PDLIM5: variants seen among roughly 807,000 people sequenced by gnomAD.
PDLIM5 encodes the protein PDZ and LIM domain 5.
PDLIM5 carries 34 observed loss-of-function variants against 64.2 expected under a neutral mutation model. That is an observed-to-expected ratio of 0.53 (90% confidence interval 0.40 to 0.71). The LOEUF (loss-of-function observed/expected upper bound fraction) is 0.71. Among genes scored for constraint, PDLIM5 ranks in the 30% least tolerant of loss-of-function variants. The pLI is 0.00. For missense variants in PDLIM5, 683 were observed against 733.6 expected, an observed-to-expected ratio of 0.93 and a Z score of 0.80; for synonymous variants, 253 against 269.1, an observed-to-expected ratio of 0.94 and a Z score of 0.59.
At position 94,495,064 on chromosome 4, in the gene PDLIM5, C is replaced by T. The variant is rs549308755; in HGVS notation, c.97-28660C>T. On this transcript the variant is annotated intron_variant, in intron 2 of 12. Coordinates refer to ENST00000317968, the MANE Select transcript of PDLIM5 (RefSeq NM_006457.5). Reference sequence around the variant, plus strand: ...CCGGCCCGACCATGTTTTATATATTCGTCACTGAATTCTAGAACTGACCAC... The same window carrying T: ...CCGGCCCGACCATGTTTTATATATTTGTCACTGAATTCTAGAACTGACCAC... 7.9e-5 allele frequency among the ~76,000 whole-genome samples: 12 copies of T among 152,186 alleles called. No individual in the cohort carries two copies. The South Asian group carries it at 1.0e-3, about 13-fold the overall frequency.
chr4:94,488,247 A>G (rs1384530953), intron 2 of PDLIM5, among the ~76,000 whole-genome samples: 1 of 152,338 alleles, frequency 6.6e-6, no homozygotes, highest in South Asian at 2.1e-4. Flanking sequence ...ATTAGTTAAT[A>G]TTCTTGAATT....
At chr4:94,517,833 G>C (rs1393693877) in intron 2 of PDLIM5, among the ~76,000 whole-genome samples, 2 of 152,138 alleles carry the variant, frequency 1.3e-5, no homozygotes, top group Non-Finnish European at 2.9e-5. Flanking sequence ...GTTGCCTGTA[G>C]TACATTATAG....
chr4:94,656,913 T>G (rs1252154584), intron 10 of PDLIM5: 4 of 151,972 alleles, frequency 2.6e-5, no homozygotes, highest in Non-Finnish European at 5.9e-5. Flanking sequence ...GGATTACAGG[T>G]GTGAGCCACT....
chr4:94,595,647 C>A (rs910375635), intron 7 of PDLIM5, among the ~76,000 whole-genome samples: 2 of 151,926 alleles, frequency 1.3e-5, no homozygotes, highest in Non-Finnish European at 2.9e-5. Context: ...ATTCATTGAC[C>A]CACACAAAAT....
At chr4:94,601,314 C>G (rs1252473542) in intron 7 of PDLIM5, among the ~76,000 whole-genome samples, 3 of 152,122 alleles carry the variant, frequency 2.0e-5, no homozygotes, top group Non-Finnish European at 4.4e-5. Context: ...TAAGGGACCC[C>G]TTTCATGAGC....
At chr4:94,651,815 C>T (rs896692945) in intron 9 of PDLIM5, among the ~76,000 whole-genome samples, 6 of 152,150 alleles carry the variant, frequency 3.9e-5, no homozygotes, top group Admixed American at 2.0e-4. Context: ...TAACAACACT[C>T]CAGCAACAAC....
intron 8 of PDLIM5, among the ~76,000 whole-genome samples, chr4:94,623,442 C>A (rs940323782): frequency 6.6e-6 from 1 of 152,146 alleles, no homozygotes; most frequent in South Asian, 2.1e-4. Context: ...GCTTGTTCCC[C>A]CTTTGTGAAG....
chr4:94,571,567 T>G (rs1205805550), intron 3 of PDLIM5, among the ~76,000 whole-genome samples: 1 of 152,228 alleles, frequency 6.6e-6, no homozygotes, highest in East Asian at 1.9e-4. Context: ...TGACTTGTGA[T>G]GATCACTGCA....
At chr4:94,579,559 G>A in intron 5 of PDLIM5, 4 of 1,339,554 alleles carry the variant, frequency 3.0e-6, no homozygotes, top group Non-Finnish European at 3.1e-6. Flanking sequence ...CATTACTGGA[G>A]AGGAAATATG....
At chr4:94,518,961 T>G (rs1352400225) in intron 2 of PDLIM5, among the ~76,000 whole-genome samples, 2 of 152,170 alleles carry the variant, frequency 1.3e-5, no homozygotes, top group African/African-American at 4.8e-5. Context: ...CTTTATTGCT[T>G]CTTATCCTTT....
intron 7 of PDLIM5, among the ~76,000 whole-genome samples, chr4:94,615,815 A>G (rs2110389745): frequency 6.6e-6 from 1 of 152,300 alleles, no homozygotes; most frequent in East Asian, 1.9e-4. Context: ...TATTGAAGCA[A>G]ATCCATCTCA....
chr4:94,589,949 G>GT (rs1430306509), intron 7 of PDLIM5, among the ~76,000 whole-genome samples: 7 of 151,668 alleles, frequency 4.6e-5, no homozygotes, highest in African/African-American at 9.7e-5. Flanking sequence ...AATTTTTATA[G>GT]TTTTTTTAGT....
intron 2 of PDLIM5, chr4:94,456,047 A>G (rs1235587030): frequency 1.2e-5 from 15 of 1,300,570 alleles, no homozygotes; most frequent in South Asian, 2.1e-5. Flanking sequence ...TAAAGCTTCT[A>G]TTTATTGAGA....
At chr4:94,564,717 G>A (rs1478125648) in intron 3 of PDLIM5, among the ~76,000 whole-genome samples, 1 of 139,550 alleles carries the variant, frequency 7.2e-6, no homozygotes, top group Non-Finnish European at 1.5e-5. Flanking sequence ...GTGCAGTAGG[G>A]CCATCTCAGC....
chr4:94,476,573 A>T (rs966349337), intron 2 of PDLIM5, among the ~76,000 whole-genome samples: 2 of 152,198 alleles, frequency 1.3e-5, no homozygotes, highest in Non-Finnish European at 2.9e-5. Flanking sequence ...GACATTCTTT[A>T]TGTAACAGTA....
intron 3 of PDLIM5, among the ~76,000 whole-genome samples, chr4:94,538,649 G>T (rs745666772): frequency 6.6e-6 from 1 of 152,170 alleles, no homozygotes; most frequent in Non-Finnish European, 1.5e-5. Context: ...TCTGGATTTA[G>T]TGGTAAATTG....
At chr4:94,488,201 C>T (rs1050764650) in intron 2 of PDLIM5, among the ~76,000 whole-genome samples, 5 of 152,168 alleles carry the variant, frequency 3.3e-5, no homozygotes, top group African/African-American at 7.2e-5. Flanking sequence ...TGATTTTACA[C>T]GAGTGTTTAA....
At chr4:94,576,285 T>A (rs955925818) in intron 5 of PDLIM5, among the ~76,000 whole-genome samples, 2 of 152,018 alleles carry the variant, frequency 1.3e-5, no homozygotes, top group Non-Finnish European at 2.9e-5. Context: ...ACTCATTTTT[T>A]GTAAGTCCCG....
At chr4:94,655,676 T>C (rs1401667247) in intron 10 of PDLIM5, among the ~76,000 whole-genome samples, 1 of 152,206 alleles carries the variant, frequency 6.6e-6, no homozygotes, top group East Asian at 1.9e-4. Context: ...AATAGAATAT[T>C]CATTAATACT....
Sources: gnomAD v4.1 joint callset for allele counts (sites outside exome capture counted in the v4.1 genomes callset) on GRCh38, gnomAD v4.1.1 for gene constraint, MANE v1.5 for transcripts, NCBI Gene and HGNC (gene_info 2026-07-23, HGNC 2026-07-21) for gene names.